SENP6: variants seen among roughly 807,000 people sequenced by gnomAD.
SENP6 encodes the protein sentrin-specific protease 6.
SENP6 carries 41 observed loss-of-function variants against 134.5 expected under a neutral mutation model. The observed-to-expected ratio is 0.30, with a 90% CI of 0.24 to 0.40. The LOEUF is 0.40. SENP6 is among the 10% of genes least tolerant of loss of function. The probability of loss-of-function intolerance (pLI) is 1.00; values close to 1 mark genes in which losing one functional copy is unlikely to be tolerated. For missense variants in SENP6, 1,248 were observed against 1,312.5 expected (o/e 0.95, Z 0.76); for synonymous variants, 395 against 429.8 (o/e 0.92, Z 1.00).
chr6:75,705,890 T>C (rs1775358768), intron 19 of SENP6, among the ~76,000 whole-genome samples: 1 of 149,682 alleles, frequency 6.7e-6, no homozygotes, highest in African/African-American at 2.4e-5. Flanking sequence ...TACCAGCTTA[T>C]ATTATTTTAG....
rs1770566382 is a variant in SENP6 at position 75,647,742 on chromosome 6, C to T, written c.491C>T (p.Pro164Leu). The change falls in exon 7 of 24, where the codon CCA (proline) becomes CTA (leucine). Residue 164 changes from proline to leucine, a missense_variant. Coordinates refer to ENST00000447266, the MANE Select transcript of SENP6 (RefSeq NM_015571.4). ...SLDRKERKEY[P>L]PHVQKVEINP... ...AATTTCTTTTTTAGGAAAGAATACC[C>T]ACCTCATGTCCAAAAAGTTGAAATT... 1.9e-6 allele frequency: 3 copies of T among 1,608,746 alleles called. No homozygotes were observed. Among genetic ancestry groups the T allele is most frequent in the Admixed American group, 1.7e-5 (1 of 59,886 alleles).
chr6:75,616,983 C>T (rs1459353816), intron 1 of SENP6, among the ~76,000 whole-genome samples: 1 of 152,126 alleles, frequency 6.6e-6, no homozygotes, highest in South Asian at 2.1e-4. Flanking sequence ...CCGTCCAATC[C>T]TCCTATCCCA....
chr6:75,682,582 T>A (rs1278189815), intron 16 of SENP6, among the ~76,000 whole-genome samples: 1 of 151,656 alleles, frequency 6.6e-6, no homozygotes, highest in Non-Finnish European at 1.5e-5. Context: ...CAGGCCCTGG[T>A]GTGTGATGTT....
At chr6:75,654,082 G>A (rs1304390529) in intron 7 of SENP6, among the ~76,000 whole-genome samples, 1 of 152,112 alleles carries the variant, frequency 6.6e-6, no homozygotes, top group Non-Finnish European at 1.5e-5. Context: ...AAATTAGCCA[G>A]GTGTGGTTAT....
intron 1 of SENP6, among the ~76,000 whole-genome samples, chr6:75,605,847 G>C (rs1582641488): frequency 6.6e-6 from 1 of 152,158 alleles, no homozygotes; most frequent in East Asian, 1.9e-4. Context: ...AAGATTAAAA[G>C]CAAGACAATA....
chr6:75,702,617 A>C, intron 18 of SENP6, 28 bp from the exon 19 acceptor site: 1 of 1,522,486 alleles, frequency 6.6e-7, no homozygotes, highest in Non-Finnish European at 8.8e-7. Context: ...CTAATAACAT[A>C]TTTAGTCATT....
chr6:75,644,625 C>G (rs1019236216), intron 6 of SENP6, among the ~76,000 whole-genome samples: 2 of 152,176 alleles, frequency 1.3e-5, no homozygotes, highest in Admixed American at 1.3e-4. Context: ...GCTGGGATTA[C>G]AGGCATGTAC....
intron 16 of SENP6, among the ~76,000 whole-genome samples, chr6:75,691,923 C>G (rs1164135749): frequency 1.3e-5 from 2 of 151,784 alleles, no homozygotes; most frequent in African/African-American, 2.4e-5. Context: ...ATGGCACAAT[C>G]TCGGCTTACT....
intron 19 of SENP6, among the ~76,000 whole-genome samples, chr6:75,708,521 T>A (rs1775554789): frequency 1.3e-5 from 2 of 151,674 alleles, no homozygotes; most frequent in South Asian, 4.2e-4. Flanking sequence ...AGCGTAGGAG[T>A]TCAAGGTTAC....
At chr6:75,638,954 G>A (rs1325233767) in intron 5 of SENP6, among the ~76,000 whole-genome samples, 1 of 152,008 alleles carries the variant, frequency 6.6e-6, no homozygotes, top group Non-Finnish European at 1.5e-5. Context: ...GCTGCTCAAG[G>A]TGGGAGAATC....
Position 75,663,294 on chromosome 6 carries a change from A to T in SENP6, c.770A>T (p.His257Leu). Reference sequence around the variant, plus strand: ...GGACCATTATTAAGAACGTCAATTCATCAGAATTCTGGAGGACAGAAGTCA... The same window carrying T: ...GGACCATTATTAAGAACGTCAATTCTTCAGAATTCTGGAGGACAGAAGTCA... ...STGPLLRTSI[H>L]QNSGGQKSQN... is the part of the protein sequence containing the mutation. The change falls in exon 9 of 24, where the codon CAT (histidine) becomes CTT (leucine). Residue 257 changes from histidine (H) to leucine (L), a missense_variant. This residue lies in a region of SENP6 where 733 missense variants were observed against 725.4 expected (regional missense o/e 1.01). Coordinates refer to ENST00000447266, the MANE Select transcript of SENP6 (RefSeq NM_015571.4). 1 of 1,613,642 alleles carries T rather than the reference A, an allele frequency of 6.2e-7. No individual in the cohort carries two copies. The highest frequency in any genetic ancestry group is 8.5e-7 in the Non-Finnish European group (1 of 1,179,658).
In SENP6 at chr6:75,659,001, G is replaced by T. The variant is rs510535; in HGVS notation, c.551-261G>T. Among the ~76,000 whole-genome samples the T allele has an allele frequency of 6.3e-5, 6 of 95,510 alleles. 1 individual carries two copies. Among genetic ancestry groups the T allele is most frequent in the Non-Finnish European group, 9.8e-5 (5 of 51,218 alleles). 62.7% of individuals were successfully genotyped at this position (95,510 alleles called of 152,430 possible). A position where few individuals can be genotyped will look rare whatever the true frequency, so the allele number is the denominator to read the frequency against. ...AAAAAAAAAAAAAAAAAAAAAAAAAGGGGAATTGTGAGTATGTGAGTGGTT... is the reference window on the plus strand; with the variant it reads ...AAAAAAAAAAAAAAAAAAAAAAAAATGGGAATTGTGAGTATGTGAGTGGTT... On this transcript the variant is annotated intron_variant, in intron 7 of 23. Coordinates refer to ENST00000447266, the MANE Select transcript of SENP6 (RefSeq NM_015571.4).
intron 11 of SENP6, among the ~76,000 whole-genome samples, chr6:75,671,218 T>C (rs933128114): frequency 1.3e-5 from 2 of 152,244 alleles, no homozygotes. Context: ...TTTTATTTTC[T>C]ATTTGAAATT....
intron 7 of SENP6, among the ~76,000 whole-genome samples, 173 bp from the exon 8 acceptor site, chr6:75,659,089 A>G (rs895022686): frequency 6.6e-6 from 1 of 151,834 alleles, no homozygotes; most frequent in African/African-American, 2.4e-5. Flanking sequence ...ATATTGATAC[A>G]CTTGATGAAG....
Position 75,678,649 on chromosome 6 carries a change from G to A in SENP6, c.1915G>A (p.Glu639Lys). The change falls in exon 15 of 24, where the codon GAA becomes AAA. Residue 639 changes from glutamate to lysine, a missense_variant. Around this residue, in one of 3 missense-constraint regions of SENP6, gnomAD observed 129 missense variants for 192.0 expected, o/e 0.67. Coordinates refer to ENST00000447266, the MANE Select transcript of SENP6 (RefSeq NM_015571.4). Reference sequence around the variant, plus strand: ...ATTTCAGTTTTTTGATGAAGAAGAAGAAACTGGAGAAAACCACACCATCTT... The same window carrying A: ...ATTTCAGTTTTTTGATGAAGAAGAAAAAACTGGAGAAAACCACACCATCTT... The part of the protein sequence containing the change: ...QEFQFFDEEE[E>K]TGENHTIFIG... 6.2e-7 allele frequency: 1 copy of A among 1,605,014 alleles called. No homozygotes were observed. Among genetic ancestry groups the A allele is most frequent in the African/African-American group, 1.3e-5 (1 of 74,662 alleles).
chr6:75,678,371 GGA>G (rs1773234572), intron 14 of SENP6: 1 of 439,638 alleles, frequency 2.3e-6, no homozygotes, highest in Non-Finnish European at 4.0e-6. Flanking sequence ...ACATAAGTTG[GGA>G]GAGTATCACT....
chr6:75,704,660 G>A (rs1775267481), intron 19 of SENP6, among the ~76,000 whole-genome samples: 1 of 152,174 alleles, frequency 6.6e-6, no homozygotes, highest in Non-Finnish European at 1.5e-5. Context: ...GACCCTTCAC[G>A]GGTGTTGGGC....
At chr6:75,665,285 C>CA (rs35079953) in intron 9 of SENP6, among the ~76,000 whole-genome samples, 2,632 of 89,670 alleles carry the variant, frequency 0.029, 85 homozygotes, top group East Asian at 0.19. Context: ...GACTCCGTCT[C>CA]AAAAAAAAAA....
At chr6:75,708,404 C>T (rs146669831) in intron 19 of SENP6, among the ~76,000 whole-genome samples, 1 of 151,642 alleles carries the variant, frequency 6.6e-6, no homozygotes, top group African/African-American at 2.4e-5. Context: ...AAAAGTCATG[C>T]TTTTCAAATT....
Sources: allele counts gnomAD v4.1 joint callset (sites outside exome capture counted in the v4.1 genomes callset), GRCh38; gene constraint gnomAD v4.1.1; regional missense constraint gnomAD v4.1.1; transcripts MANE v1.5; gene names NCBI Gene and HGNC (gene_info 2026-07-23, HGNC 2026-07-21).